The following NRL variants were observed in gnomAD, a reference collection of about 807,000 sequenced individuals.
The protein encoded by NRL is neural retina leucine zipper, also known as neural retina-specific leucine zipper protein.
In NRL, 16 loss-of-function variants were observed where a neutral mutation model predicts 12.5. The observed-to-expected ratio is 1.28, with a 90% CI of 0.87 to 1.95. The LOEUF (loss-of-function observed/expected upper bound fraction) is 1.95, where lower values mean the gene tolerates loss of function less well. NRL is among the 30% of genes most tolerant of loss of function. The pLI is 0.00. For missense variants in NRL, 314 were observed against 325.8 expected, an observed-to-expected ratio of 0.96 and a Z score of 0.28; for synonymous variants, 142 against 150.9, an observed-to-expected ratio of 0.94 and a Z score of 0.43.
At position 24,094,859 on chromosome 14, in the gene NRL, G is replaced by T; in HGVS notation, c.-27-11984C>A. 7 of 1,304,390 alleles carry T rather than the reference G, an allele frequency of 5.4e-6. No homozygotes were observed. Among genetic ancestry groups the T allele is most frequent in the Non-Finnish European group, 7.0e-6 (7 of 998,298 alleles). The allele number at this position is 1,304,390 out of a possible 1,614,324, so 80.8% of individuals were successfully genotyped here. A position where few individuals can be genotyped will look rare whatever the true frequency, so the allele number is the denominator to read the frequency against. ...CTGGGGACAAGGGTACGTGAGCCCC[G>T]GGAGACTAAGCTCAGAGCCCCCTAA... On this transcript the variant is annotated intron_variant, in intron 1 of 2. Coordinates refer to ENST00000561028, the MANE Select transcript of NRL (RefSeq NM_001354768.3). This position sits in a 1 kb window ranked among gnomAD's most constrained non-coding sequence, Gnocchi z 4.1.
In NRL at chr14:24,081,152, A is replaced by G. The variant is rs1225800955; in HGVS notation, c.*84T>C. On this transcript the variant is annotated 3_prime_UTR_variant, in exon 3 of 3. Transcript: ENST00000561028. The surrounding 1 kb of genome is among the most constrained non-coding windows in gnomAD (Gnocchi z 4.4). Reference sequence around the variant, plus strand: ...GGCTAGGACCAGAAGGCGCTCTGGTAACGATGCAGAGAACCGTGCAGCCGC... The same window carrying G: ...GGCTAGGACCAGAAGGCGCTCTGGTGACGATGCAGAGAACCGTGCAGCCGC... The G allele has an allele frequency of 2.0e-6, 2 of 993,118 alleles. No homozygotes were observed. The highest frequency in any genetic ancestry group is 2.7e-6 in the Non-Finnish European group (2 of 751,222). 61.5% of individuals were successfully genotyped at this position (993,118 alleles called of 1,614,324 possible).
At position 24,114,769 on chromosome 14, in the gene NRL, G is replaced by GGGCCGTCGTGTGACGTTTGCA; in HGVS notation, c.-96_-76dup. On this transcript the variant is annotated 5_prime_UTR_variant, in exon 1 of 3. Transcript: ENST00000561028. ...GTCCAGTTGGCTGGCCAAGGGGGCG[G>GGGCCGTCGTGTGACGTTTGCA]GGCCGTCGTGTGACGTTTGCAGCCC... The GGGCCGTCGTGTGACGTTTGCA allele has an allele frequency of 8.1e-6, 8 of 985,954 alleles. No homozygotes were observed. The highest frequency in any genetic ancestry group is 9.6e-6 in the Non-Finnish European group (8 of 829,956). 61.1% of individuals were successfully genotyped at this position (985,954 alleles called of 1,614,324 possible).
At chr14:24,088,437 G>T (rs2036520105) in intron 1 of NRL, among the ~76,000 whole-genome samples, 2 of 152,202 alleles carry the variant, frequency 1.3e-5, no homozygotes, top group Non-Finnish European at 1.5e-5. Context: ...ATGGTGTCAG[G>T]GGTAGGAGGC....
chr14:24,091,119 CTGTG>C (rs55656236), intron 1 of NRL, among the ~76,000 whole-genome samples: 42,708 of 138,402 alleles, frequency 0.31, 6,507 homozygotes, highest in Non-Finnish European at 0.37. Context: ...CAGAAAAGGC[CTGTG>C]TGTGTGTGTG....
At chr14:24,086,352 A>T (rs567286521) in intron 1 of NRL, among the ~76,000 whole-genome samples, 1 of 152,168 alleles carries the variant, frequency 6.6e-6, no homozygotes, top group Non-Finnish European at 1.5e-5. Context: ...CTTTCCATAC[A>T]CATATTGGAA....
At chr14:24,112,321 G>A (rs1371193059) in intron 1 of NRL, among the ~76,000 whole-genome samples, 5 of 149,214 alleles carry the variant, frequency 3.4e-5, no homozygotes, top group African/African-American at 5.0e-5. Flanking sequence ...GTCTCTGCCC[G>A]GCTTTGGTAT....
At chr14:24,095,817 G>A (rs2036847983) in intron 1 of NRL, among the ~76,000 whole-genome samples, 1 of 152,216 alleles carries the variant, frequency 6.6e-6, no homozygotes, top group African/African-American at 2.4e-5. Context: ...GACCTCCTGA[G>A]AATTAAGCCC....
In NRL at chr14:24,094,646, C is replaced by T. The variant is rs1002966879; in HGVS notation, c.-27-11771G>A. 2 of 1,491,774 alleles carry T rather than the reference C, an allele frequency of 1.3e-6. No individual in the cohort carries two copies. The highest frequency in any genetic ancestry group is 1.8e-6 in the Non-Finnish European group (2 of 1,122,082). The allele number at this position is 1,491,774 out of a possible 1,614,324, so 92.4% of individuals were successfully genotyped here. On this transcript the variant is annotated intron_variant, in intron 1 of 2. Transcript: ENST00000561028. This position sits in a 1 kb window ranked among gnomAD's most constrained non-coding sequence, Gnocchi z 4.1. ...GCTCCTCGTTTCCGCCTGCACCTCCCCTTCTCTGCCTCGCTCGCCTCTGAC... is the reference window on the plus strand; with the variant it reads ...GCTCCTCGTTTCCGCCTGCACCTCCTCTTCTCTGCCTCGCTCGCCTCTGAC...
intron 1 of NRL, among the ~76,000 whole-genome samples, chr14:24,109,927 G>A (rs1054864439): frequency 6.6e-6 from 1 of 152,040 alleles, no homozygotes; most frequent in Non-Finnish European, 1.5e-5. Flanking sequence ...TTTGTAAGAA[G>A]AAGAGAAAAG....
rs1443691924 is a variant in NRL at position 24,096,983 on chromosome 14, C to T, written c.-27-14108G>A. Reference sequence around the variant, plus strand: ...GCTTAGTGGAGATCTGGGCCAGCTTCCCACTGGCATTCGAGATTTTGTAGA... The same window carrying T: ...GCTTAGTGGAGATCTGGGCCAGCTTTCCACTGGCATTCGAGATTTTGTAGA... On this transcript the variant is annotated intron_variant, in intron 1 of 2. Transcript: ENST00000561028. 1.2e-6 allele frequency: 2 copies of T among 1,613,490 alleles called. No individual in the cohort carries two copies. The highest frequency in any genetic ancestry group is 3.3e-5 in the Admixed American group (2 of 59,950).
At chr14:24,108,136 T>C (rs2037366857) in intron 1 of NRL, among the ~76,000 whole-genome samples, 1 of 152,224 alleles carries the variant, frequency 6.6e-6, no homozygotes, top group African/African-American at 2.4e-5. Context: ...ATTGTGTTCA[T>C]TTCCTTCCCC....
chr14:24,104,112 G>A, intron 1 of NRL: 1 of 624,248 alleles, frequency 1.6e-6, no homozygotes, highest in South Asian at 2.0e-5. Context: ...AATAAGAGAT[G>A]CTTATCTATT....
intron 1 of NRL, chr14:24,102,876 G>A: frequency 6.2e-7 from 1 of 1,613,760 alleles, no homozygotes; most frequent in Non-Finnish European, 8.5e-7. Flanking sequence ...ATCTTTGGTG[G>A]CCGCAGACCC....
chr14:24,100,138 T>C (rs2037100580), intron 1 of NRL: 1 of 1,613,862 alleles, frequency 6.2e-7, no homozygotes, highest in South Asian at 1.1e-5. Flanking sequence ...TGGTGGCGTG[T>C]ACTGGGAGGG....
chr14:24,114,382 A>T (rs1201765870), intron 1 of NRL: 2 of 152,566 alleles, frequency 1.3e-5, no homozygotes, highest in African/African-American at 4.8e-5. Context: ...CTTAGGGCAG[A>T]ACCGACTGGA....
rs2036455195 is a variant in NRL, at chr14:24,085,941, T to TA, written c.-27-3067dup. On this transcript the variant is annotated intron_variant, in intron 1 of 2. Coordinates refer to ENST00000561028, the MANE Select transcript of NRL (RefSeq NM_001354768.3). The surrounding 1 kb of genome is among the most constrained non-coding windows in gnomAD (Gnocchi z 4.1). ...AGCAAGTCTGACATGCTTGAAAGTT[T>TA]AAAGGCCAGGCACGCCTGTAATCCC... Among the ~76,000 whole-genome samples the TA allele has an allele frequency of 6.6e-6, 1 of 152,176 alleles. No homozygotes were observed. The highest frequency in any genetic ancestry group is 1.9e-4 in the East Asian group (1 of 5,202).
intron 1 of NRL, among the ~76,000 whole-genome samples, chr14:24,091,119 CTGTGTGTGTGTGTGTG>C (rs55656236): frequency 5.5e-4 from 76 of 138,728 alleles, no homozygotes; most frequent in African/African-American, 1.4e-3. Flanking sequence ...CAGAAAAGGC[CTGTGTGTGTGTGTGTG>C]TGTGTGTGTG....
At position 24,102,786 on chromosome 14, in the gene NRL, G is replaced by A. The variant is rs371329992; in HGVS notation, c.-28+11936C>T. ...GAGCCCTGTGCACATCCCAACTCTC[G>A]ATTTTGTGCCCCGGCTCGCCAGTGC... is the stretch of plus-strand genomic sequence containing the variant. On this transcript the variant is annotated intron_variant, in intron 1 of 2. Coordinates refer to ENST00000561028, the MANE Select transcript of NRL (RefSeq NM_001354768.3). 45 of 1,613,820 alleles carry A rather than the reference G, an allele frequency of 2.8e-5. No individual in the cohort carries two copies. The highest frequency in any genetic ancestry group is 1.5e-4 in the South Asian group (14 of 91,078).
Position 24,114,917 on chromosome 14 carries a change from C to T in NRL, c.-223G>A, listed in dbSNP as rs1815490633. 1 of 985,920 alleles carries T rather than the reference C, an allele frequency of 1.0e-6. No homozygotes were observed. Among genetic ancestry groups the T allele is most frequent in the Non-Finnish European group, 1.2e-6 (1 of 830,022 alleles). 61.1% of individuals were successfully genotyped at this position (985,920 alleles called of 1,614,324 possible). A position where few individuals can be genotyped will look rare whatever the true frequency, so the allele number is the denominator to read the frequency against. On this transcript the variant is annotated 5_prime_UTR_variant, in exon 1 of 3. Transcript: ENST00000561028. Reference sequence around the variant, plus strand: ...CGCCGCTGCGGGTCCTGCGACCGCTCCTGGCTGGTGGGTGGTCTCGCGTGG... The same window carrying T: ...CGCCGCTGCGGGTCCTGCGACCGCTTCTGGCTGGTGGGTGGTCTCGCGTGG...
Sources: gnomAD v4.1 joint callset for allele counts (sites outside exome capture counted in the v4.1 genomes callset) on GRCh38, gnomAD v4.1.1 for gene constraint, Gnocchi (gnomAD v3.1) non-coding constraint, MANE v1.5 for transcripts, NCBI Gene and HGNC (gene_info 2026-07-23, HGNC 2026-07-21) for gene names.